Variants in KLLN observed in about 807,000 individuals in gnomAD.
KLLN encodes the protein killin.
For synonymous variants in KLLN, 142 were observed against 102.2 expected (o/e 1.39, Z -2.35); for missense variants, 340 against 241.3 (o/e 1.41, Z -2.71).
At position 87,862,399 on chromosome 10, in the gene KLLN, C is replaced by T. The variant is rs1858285078; in HGVS notation, c.89G>A (p.Arg30Lys). Residue 30 changes from arginine to lysine, a missense_variant, in exon 1 of 1, where the codon AGG (arginine) becomes AAG (lysine). By Grantham distance (26) the Arg-to-Lys change is conservative. Coordinates refer to ENST00000445946, the MANE Select transcript of KLLN (RefSeq NM_001126049.2). ...YRVEWKVRNG[R>K]KLQPSEWAGR... is the part of the protein sequence containing the mutation. ...CGCCCACTCGCTGGGCTGCAGCTTC[C>T]TACCGTTCCGTACTTTCCACTCAAC... The T allele has an allele frequency of 7.1e-6, 11 of 1,551,666 alleles. No homozygotes were observed. Among genetic ancestry groups the T allele is most frequent in the African/African-American group, 2.7e-5 (2 of 73,170 alleles).
chr10:87,863,375 ACT>A lies in KLLN; in HGVS notation c.-890_-889del. The A allele has an allele frequency of 5.9e-6, 2 of 340,974 alleles. No individual in the cohort carries two copies. Among genetic ancestry groups the A allele is most frequent in the South Asian group, 1.5e-4 (1 of 6,474 alleles). 21.1% of individuals were successfully genotyped at this position (340,974 alleles called of 1,614,324 possible). On this transcript the variant is annotated 5_prime_UTR_variant, in exon 1 of 1. Transcript: ENST00000445946. Reference sequence around the variant, plus strand: ...GCTCAGTAGAGCCTGCGGCTTGGGGACTCTGCGCTCGCACCCAGAGCTACCGC... The same window carrying A: ...GCTCAGTAGAGCCTGCGGCTTGGGGACTGCGCTCGCACCCAGAGCTACCGC...
In KLLN at chr10:87,862,328, G is replaced by A. The variant is rs1589592487; in HGVS notation, c.160C>T (p.Arg54Trp). The change falls in exon 1 of 1, where the codon CGG (arginine) becomes TGG (tryptophan). Residue 54 changes from arginine to tryptophan, a missense_variant. By Grantham distance (101) the Arg-to-Trp change is moderately radical. Coordinates refer to ENST00000445946, the MANE Select transcript of KLLN (RefSeq NM_001126049.2). Reference sequence around the variant, plus strand: ...CGGAAAGTAGTTCCGACTGTGGCCCGTGTATCCTTCCACCTCCTTTTGAAC... The same window carrying A: ...CGGAAAGTAGTTCCGACTGTGGCCCATGTATCCTTCCACCTCCTTTTGAAC... ...GGFKRRWKDT[R>W]ATVGTTFRRR... is the part of the protein sequence containing the mutation. 5 of 1,551,750 alleles carry A rather than the reference G, an allele frequency of 3.2e-6. No homozygotes were observed. The highest frequency in any genetic ancestry group is 2.4e-5 in the East Asian group (1 of 40,914).
Position 87,861,922 on chromosome 10 carries a change from G to T in KLLN, c.*29C>A, listed in dbSNP as rs1373667040. 6.2e-6 allele frequency: 9 copies of T among 1,450,502 alleles called. No individual in the cohort carries two copies. The Admixed American group carries it at 2.3e-4, about 37-fold the overall frequency. The allele number at this position is 1,450,502 out of a possible 1,614,324, so 89.9% of individuals were successfully genotyped here. A position where few individuals can be genotyped will look rare whatever the true frequency, so the allele number is the denominator to read the frequency against. Reference sequence around the variant, plus strand: ...CGTTTGGGAAGGCGCAGAATAGGTCGATGTAGAGCAAGGAGTGAGTCTCAG... The same window carrying T: ...CGTTTGGGAAGGCGCAGAATAGGTCTATGTAGAGCAAGGAGTGAGTCTCAG... On this transcript the variant is annotated 3_prime_UTR_variant, in exon 1 of 1. Transcript: ENST00000445946.
rs1270412003 is a variant in KLLN at position 87,860,471 on chromosome 10, G to A, written c.*1480C>T. The A allele has an allele frequency of 6.6e-6, 1 of 152,248 alleles. No individual in the cohort carries two copies. The highest frequency in any genetic ancestry group is 1.5e-5 in the Non-Finnish European group (1 of 68,056). 9.4% of individuals were successfully genotyped at this position (152,248 alleles called of 1,614,324 possible). ...CATATTCTAGCACTTTAGTGCTGGT[G>A]ATGCAGATTATCTCTGCTCCAGAGT... is the stretch of plus-strand genomic sequence containing the variant. On this transcript the variant is annotated 3_prime_UTR_variant, in exon 1 of 1. Transcript: ENST00000445946.
rs950737364 is a variant in KLLN, at chr10:87,860,897, T to C, written c.*1054A>G. 7.9e-5 allele frequency: 12 copies of C among 152,274 alleles called. No individual in the cohort carries two copies. The highest frequency in any genetic ancestry group is 2.7e-4 in the African/African-American group (11 of 41,476). 9.4% of individuals were successfully genotyped at this position (152,274 alleles called of 1,614,324 possible). On this transcript the variant is annotated 3_prime_UTR_variant, in exon 1 of 1. Coordinates refer to ENST00000445946, the MANE Select transcript of KLLN (RefSeq NM_001126049.2). Reference sequence around the variant, plus strand: ...CAATAATGAAATCTGTAGTTCACGCTAGGCTGTGTGGACAGTATCTGCATC... The same window carrying C: ...CAATAATGAAATCTGTAGTTCACGCCAGGCTGTGTGGACAGTATCTGCATC...
Position 87,862,940 on chromosome 10 carries a change from C to G in KLLN, c.-453G>C. The G allele has an allele frequency of 5.1e-6, 1 of 195,150 alleles. No individual in the cohort carries two copies. Among genetic ancestry groups the G allele is most frequent in the Non-Finnish European group, 1.2e-5 (1 of 84,444 alleles). 12.1% of individuals were successfully genotyped at this position (195,150 alleles called of 1,614,324 possible). On this transcript the variant is annotated 5_prime_UTR_variant, in exon 1 of 1. Coordinates refer to ENST00000445946, the MANE Select transcript of KLLN (RefSeq NM_001126049.2). ...GGCAAAGGCTGTTACAGTCAAATCT[C>G]TGCGAACGATTGTGATCCGACAGCG...
chr10:87,860,783 A>G lies in KLLN; in HGVS notation c.*1168T>C, dbSNP rs56389051. The G allele has an allele frequency of 7.9e-5, 12 of 152,334 alleles. No homozygotes were observed. Among genetic ancestry groups the G allele is most frequent in the Non-Finnish European group, 1.8e-4 (12 of 68,030 alleles). The allele number at this position is 152,334 out of a possible 1,614,324, so 9.4% of individuals were successfully genotyped here. A position where few individuals can be genotyped will look rare whatever the true frequency, so the allele number is the denominator to read the frequency against. ...ATTTTCCCTTTTTCTACCACGCAGT[A>G]ATTGATAATTAAACACAGCTCTGGT... On this transcript the variant is annotated 3_prime_UTR_variant, in exon 1 of 1. Coordinates refer to ENST00000445946, the MANE Select transcript of KLLN (RefSeq NM_001126049.2).
At position 87,862,293 on chromosome 10, in the gene KLLN, T is replaced by C. The variant is rs1858279097; in HGVS notation, c.195A>G (p.Ser65=). The C allele has an allele frequency of 3.2e-6, 5 of 1,551,750 alleles. No individual in the cohort carries two copies. The highest frequency in any genetic ancestry group is 4.4e-6 in the Non-Finnish European group (5 of 1,146,998). ...ATVGTTFRRR[S]RVSLVGELSK... ...AAAGTTCCCCAACTAGGGACACACGTGACCTCCTTCGGAAAGTAGTTCCGA... is the reference window on the plus strand; with the variant it reads ...AAAGTTCCCCAACTAGGGACACACGCGACCTCCTTCGGAAAGTAGTTCCGA... Residue 65 remains serine (S), a synonymous_variant, in exon 1 of 1, where the codon TCA becomes TCG. Transcript: ENST00000445946.
chr10:87,861,826 G>C lies in KLLN; in HGVS notation c.*125C>G, dbSNP rs1378853832. On this transcript the variant is annotated 3_prime_UTR_variant, in exon 1 of 1. Transcript: ENST00000445946. The stretch of plus-strand genomic sequence containing the variant: ...ATACCCTCAAGCACAGAACCAAAAG[G>C]GTTCACCCTAAGCGGCAGGGCATCA... 1 of 859,424 alleles carries C rather than the reference G, an allele frequency of 1.2e-6. No homozygotes were observed. The highest frequency in any genetic ancestry group is 1.7e-6 in the Non-Finnish European group (1 of 578,790). The allele number at this position is 859,424 out of a possible 1,614,324, so 53.2% of individuals were successfully genotyped here.
In KLLN at chr10:87,862,358, C is replaced by G. The variant is rs186106725; in HGVS notation, c.130G>C (p.Gly44Arg). 2.3e-3 allele frequency: 3,583 copies of G among 1,551,622 alleles called. 8 individuals carry two copies. The highest frequency in any genetic ancestry group is 2.9e-3 in the Non-Finnish European group (3,335 of 1,146,948). The change falls in exon 1 of 1, where the codon GGA becomes CGA. Residue 44 changes from glycine (G) to arginine (R), a missense_variant. By Grantham distance (125) the Gly-to-Arg change is moderately radical. Transcript: ENST00000445946. Reference protein sequence around the residue: ...PSEWAGRGDLGGFKRRWKDTR... With the variant: ...PSEWAGRGDLRGFKRRWKDTR... The stretch of plus-strand genomic sequence containing the variant: ...TCCTTCCACCTCCTTTTGAACCCTC[C>G]TAGGTCTCCTCGCCCCGCCCACTCG...
rs1394545143 is a variant in KLLN at position 87,863,533 on chromosome 10, G to A, written c.-1046C>T. ...CCCGGGCTCCCGGCGCGGCGGCGGA[G>A]GGGGCGGGCAGGCCGGCGGGCGGTG... On this transcript the variant is annotated 5_prime_UTR_variant, in exon 1 of 1. Coordinates refer to ENST00000445946, the MANE Select transcript of KLLN (RefSeq NM_001126049.2). 2 of 385,864 alleles carry A rather than the reference G, an allele frequency of 5.2e-6. No homozygotes were observed. The highest frequency in any genetic ancestry group is 9.2e-6 in the Non-Finnish European group (2 of 217,596). 23.9% of individuals were successfully genotyped at this position (385,864 alleles called of 1,614,324 possible).
chr10:87,861,461 G>GA lies in KLLN; in HGVS notation c.*489dup, dbSNP rs1182474596. On this transcript the variant is annotated 3_prime_UTR_variant, in exon 1 of 1. Coordinates refer to ENST00000445946, the MANE Select transcript of KLLN (RefSeq NM_001126049.2). The stretch of plus-strand genomic sequence containing the variant: ...TGTAGTTCTACTTCCTAAGGGAAAT[G>GA]AAAAAACAATAAATTCCCAGACTGG... 1 of 154,446 alleles carries GA rather than the reference G, an allele frequency of 6.5e-6. No individual in the cohort carries two copies. The highest frequency in any genetic ancestry group is 2.4e-5 in the African/African-American group (1 of 41,542). The allele number at this position is 154,446 out of a possible 1,614,324, so 9.6% of individuals were successfully genotyped here.
At position 87,861,884 on chromosome 10, in the gene KLLN, GCTC is replaced by G; in HGVS notation, c.*64_*66del. On this transcript the variant is annotated 3_prime_UTR_variant, in exon 1 of 1. Transcript: ENST00000445946. ...AGAGGCCCGAGAGCCCTAGCGCCCA[GCTC>G]CTTTTCCCACGTTTGGGAAGGCGCA... 8.5e-6 allele frequency: 12 copies of G among 1,412,386 alleles called. No individual in the cohort carries two copies. The allele number at this position is 1,412,386 out of a possible 1,614,324, so 87.5% of individuals were successfully genotyped here.
rs1858271836 is a variant in KLLN, at chr10:87,862,155, C to A, written c.333G>T (p.Ala111=). The A allele has an allele frequency of 6.4e-7, 1 of 1,550,832 alleles. No individual in the cohort carries two copies. Among genetic ancestry groups the A allele is most frequent in the East Asian group, 2.4e-5 (1 of 40,922 alleles). ...QRNPNPSCAA[A]ETGARTSLPK... is the part of the protein sequence containing the mutation. The stretch of plus-strand genomic sequence containing the variant: ...GGAGGCTGGTCCGAGCCCCTGTTTC[C>A]GCCGCGGCGCAGGAAGGGTTGGGGT... Residue 111 remains alanine, a synonymous_variant, in exon 1 of 1, where the codon GCG becomes GCT. Transcript: ENST00000445946.
Position 87,862,212 on chromosome 10 carries a change from A to G in KLLN, c.276T>C (p.Ala92=), listed in dbSNP as rs1858274711. The stretch of plus-strand genomic sequence containing the variant: ...GCCTGCACCAGGCAAGAGCACCCCG[A>G]GCAAAGGAAGAAGACGACTTGCCTC... ...SSGGKSSSSF[A]RGALAWCRQR... Residue 92 remains alanine, a synonymous_variant, in exon 1 of 1, where the codon GCT becomes GCC. Transcript: ENST00000445946. 1.3e-6 allele frequency: 2 copies of G among 1,551,698 alleles called. No homozygotes were observed. The highest frequency in any genetic ancestry group is 1.7e-6 in the Non-Finnish European group (2 of 1,146,994).
Position 87,862,547 on chromosome 10 carries a change from G to A in KLLN, c.-60C>T. The A allele has an allele frequency of 7.0e-7, 1 of 1,430,642 alleles. No individual in the cohort carries two copies. Among genetic ancestry groups the A allele is most frequent in the Non-Finnish European group, 9.4e-7 (1 of 1,065,154 alleles). The allele number at this position is 1,430,642 out of a possible 1,614,324, so 88.6% of individuals were successfully genotyped here. ...GGGCTAGGTGGTCTCTGAGAACCGA[G>A]CTTGACTCCGACGCCGCGAACCGAC... is the stretch of plus-strand genomic sequence containing the variant. On this transcript the variant is annotated 5_prime_UTR_variant, in exon 1 of 1. Transcript: ENST00000445946.
At position 87,862,791 on chromosome 10, in the gene KLLN, G is replaced by T. The variant is rs1169470594; in HGVS notation, c.-304C>A. 4.3e-6 allele frequency: 2 copies of T among 462,308 alleles called. No individual in the cohort carries two copies. The highest frequency in any genetic ancestry group is 3.9e-5 in the African/African-American group (2 of 51,488). The allele number at this position is 462,308 out of a possible 1,614,324, so 28.6% of individuals were successfully genotyped here. Reference sequence around the variant, plus strand: ...AAACGAGCCGAGTTACCGGGGAAGCGAGAGGTGGGGCGCTGCAAGGGAGCC... The same window carrying T: ...AAACGAGCCGAGTTACCGGGGAAGCTAGAGGTGGGGCGCTGCAAGGGAGCC... On this transcript the variant is annotated 5_prime_UTR_variant, in exon 1 of 1. Coordinates refer to ENST00000445946, the MANE Select transcript of KLLN (RefSeq NM_001126049.2).
Position 87,862,988 on chromosome 10 carries a change from C to T in KLLN, c.-501G>A. On this transcript the variant is annotated 5_prime_UTR_variant, in exon 1 of 1. Transcript: ENST00000445946. Reference sequence around the variant, plus strand: ...GCGGTGCAAAAGGAAAGAGCGAATGCAGTCCACGCCGCGGAAATCTAGGGG... The same window carrying T: ...GCGGTGCAAAAGGAAAGAGCGAATGTAGTCCACGCCGCGGAAATCTAGGGG... 5.5e-6 allele frequency: 1 copy of T among 181,812 alleles called. No homozygotes were observed. Among genetic ancestry groups the T allele is most frequent in the Non-Finnish European group, 1.3e-5 (1 of 75,934 alleles). The allele number at this position is 181,812 out of a possible 1,614,324, so 11.3% of individuals were successfully genotyped here.
In KLLN at chr10:87,859,166, A is replaced by G. The variant is rs1858218179; in HGVS notation, c.*2785T>C. On this transcript the variant is annotated 3_prime_UTR_variant, in exon 1 of 1. Coordinates refer to ENST00000445946, the MANE Select transcript of KLLN (RefSeq NM_001126049.2). ...TGACCCACAGTAGCGCCTTTTGGAG[A>G]ATGTCTTAAAATTATCTTTATTGAA... 6.6e-6 allele frequency: 1 copy of G among 152,110 alleles called. No homozygotes were observed. The highest frequency in any genetic ancestry group is 1.5e-5 in the Non-Finnish European group (1 of 68,018). The allele number at this position is 152,110 out of a possible 1,614,324, so 9.4% of individuals were successfully genotyped here.
Sources: allele counts gnomAD v4.1 joint callset, GRCh38; gene constraint gnomAD v4.1.1; transcripts MANE v1.5; gene names NCBI Gene and HGNC (gene_info 2026-07-23, HGNC 2026-07-21).